The following CDK6 variants were observed in gnomAD, a reference collection of about 807,000 sequenced individuals.
CDK6 encodes cyclin-dependent kinase 6.
In CDK6, 6 loss-of-function variants were observed where a neutral mutation model predicts 37.1. The observed-to-expected ratio is 0.16, with a 90% confidence interval of 0.09 to 0.32. The LOEUF is 0.32. Ranked by LOEUF, CDK6 falls within the 10% of genes least tolerant of loss-of-function variation. The pLI, the probability that CDK6 is intolerant of heterozygous loss-of-function variation, is 1.00. For missense variants in CDK6, 224 were observed against 418.9 expected (o/e 0.53, Z 4.06); for synonymous variants, 160 against 161.3 (o/e 0.99, Z 0.06).
chr7:92,705,611 G>C (rs902360519), intron 4 of CDK6, among the ~76,000 whole-genome samples: 1 of 152,170 alleles, frequency 6.6e-6, no homozygotes, highest in Non-Finnish European at 1.5e-5. Flanking sequence ...ATCCCAGTCA[G>C]GTCATGTTGC....
intron 2 of CDK6, among the ~76,000 whole-genome samples, chr7:92,788,680 T>C (rs1463594733): frequency 6.6e-6 from 1 of 152,136 alleles, no homozygotes; most frequent in Non-Finnish European, 1.5e-5. Flanking sequence ...GTAATTAAAC[T>C]ATGAAAACCA....
At position 92,833,886 on chromosome 7, in the gene CDK6, C is replaced by G. The variant is rs1239399044; in HGVS notation, c.-367-196G>C. 7.5e-6 allele frequency: 3 copies of G among 398,880 alleles called. No individual in the cohort carries two copies. The East Asian group carries it at 1.1e-4, about 14-fold the overall frequency. 24.7% of individuals were successfully genotyped at this position (398,880 alleles called of 1,614,324 possible). ...AAGCGAAGTTACTTTTCTTTCCCTG[C>G]AGGGCTGAAGCCGTCTTCGCGCGGA... On this transcript the variant is annotated intron_variant, in intron 1 of 7. Coordinates refer to ENST00000424848, the MANE Select transcript of CDK6 (RefSeq NM_001145306.2). This position sits in a 1 kb window ranked among gnomAD's most constrained non-coding sequence, Gnocchi z 6.1.
intron 2 of CDK6, among the ~76,000 whole-genome samples, chr7:92,831,570 G>C (rs1190533974): frequency 6.6e-6 from 1 of 152,012 alleles, no homozygotes; most frequent in East Asian, 1.9e-4. Context: ...CCCCAAAAAC[G>C]GATTTTGTTG....
chr7:92,668,820 C>T (rs1797014058), intron 5 of CDK6, among the ~76,000 whole-genome samples: 1 of 152,130 alleles, frequency 6.6e-6, no homozygotes, highest in Non-Finnish European at 1.5e-5. Flanking sequence ...ATACCAAGGA[C>T]ACAGGGTAGC....
At chr7:92,830,428 G>A (rs538531027) in intron 2 of CDK6, among the ~76,000 whole-genome samples, 8 of 152,282 alleles carry the variant, frequency 5.3e-5, no homozygotes, top group African/African-American at 1.9e-4. Context: ...AATTACTTAT[G>A]ACTTGAAGGT....
At chr7:92,812,678 A>G (rs1329458874) in intron 2 of CDK6, among the ~76,000 whole-genome samples, 4 of 152,082 alleles carry the variant, frequency 2.6e-5, no homozygotes, top group Non-Finnish European at 5.9e-5. Flanking sequence ...CTCCCACCTC[A>G]GCCTCCCAAG....
chr7:92,764,941 T>C (rs1278796812), intron 3 of CDK6, among the ~76,000 whole-genome samples: 3 of 152,210 alleles, frequency 2.0e-5, no homozygotes, highest in South Asian at 4.1e-4. Context: ...TGGCAATTGC[T>C]CTAGTAGAAT....
At chr7:92,679,652 A>G (rs1197618898) in intron 4 of CDK6, among the ~76,000 whole-genome samples, 1 of 152,220 alleles carries the variant, frequency 6.6e-6, no homozygotes, top group African/African-American at 2.4e-5. Flanking sequence ...ATAGAAAACT[A>G]GTATGGTTGT....
chr7:92,813,458 C>T (rs1562972648), intron 2 of CDK6, among the ~76,000 whole-genome samples: 4 of 152,250 alleles, frequency 2.6e-5, no homozygotes, highest in East Asian at 1.9e-4. Context: ...AAAATGAAAA[C>T]GTTCTCAGTC....
intron 5 of CDK6, among the ~76,000 whole-genome samples, chr7:92,657,804 C>T (rs768269874): frequency 6.6e-6 from 1 of 152,218 alleles, no homozygotes; most frequent in Non-Finnish European, 1.5e-5. Context: ...CAGTCTCCAT[C>T]TCCCAGGCTC....
At chr7:92,770,318 GC>G (rs1474765222) in intron 3 of CDK6, among the ~76,000 whole-genome samples, 1 of 127,276 alleles carries the variant, frequency 7.9e-6, no homozygotes, top group Non-Finnish European at 1.6e-5. Flanking sequence ...TTCTATGTAT[GC>G]TTTTTTTTTT....
At chr7:92,804,398 C>T (rs1800668942) in intron 2 of CDK6, among the ~76,000 whole-genome samples, 1 of 152,178 alleles carries the variant, frequency 6.6e-6, no homozygotes, top group Admixed American at 6.5e-5. Flanking sequence ...TAGTTCTGAG[C>T]CACACTCTTA....
At chr7:92,650,059 C>T (rs1036954855) in intron 5 of CDK6, among the ~76,000 whole-genome samples, 1 of 152,194 alleles carries the variant, frequency 6.6e-6, no homozygotes, top group African/African-American at 2.4e-5. Flanking sequence ...TTTCTTCTCA[C>T]CAATTTGTTA....
intron 5 of CDK6, among the ~76,000 whole-genome samples, chr7:92,625,819 A>T (rs1295068013): frequency 1.4e-4 from 21 of 152,200 alleles, no homozygotes; most frequent in Non-Finnish European, 4.4e-5. Flanking sequence ...ACAGGGGATG[A>T]AAGTTTCATT....
chr7:92,811,426 A>G (rs998954013), intron 2 of CDK6, among the ~76,000 whole-genome samples: 8 of 152,102 alleles, frequency 5.3e-5, no homozygotes, highest in Non-Finnish European at 1.2e-4. Flanking sequence ...AACAAAATGA[A>G]AAGATTCTTT....
chr7:92,688,850 T>C (rs570534274), intron 4 of CDK6, among the ~76,000 whole-genome samples: 147 of 152,264 alleles, frequency 9.7e-4, no homozygotes, highest in African/African-American at 3.5e-3. Flanking sequence ...GCAAACCACA[T>C]TCCCTCTAAA....
chr7:92,724,092 G>T (rs1431500158), intron 4 of CDK6, among the ~76,000 whole-genome samples: 1 of 151,932 alleles, frequency 6.6e-6, no homozygotes, highest in Non-Finnish European at 1.5e-5. Flanking sequence ...TGACTCTCTG[G>T]ATCACAAAGC....
intron 5 of CDK6, among the ~76,000 whole-genome samples, chr7:92,636,941 G>A (rs901993239): frequency 6.6e-6 from 1 of 152,142 alleles, no homozygotes; most frequent in African/African-American, 2.4e-5. Flanking sequence ...CTGGGATTTA[G>A]GTGTGTGAAC....
At chr7:92,701,409 C>A (rs1386102273) in intron 4 of CDK6, among the ~76,000 whole-genome samples, 2 of 146,100 alleles carry the variant, frequency 1.4e-5, no homozygotes, top group South Asian at 4.3e-4. Context: ...AGCTTACACA[C>A]TTTTTTTTTT....
Sources: gnomAD v4.1 joint callset for allele counts (sites outside exome capture counted in the v4.1 genomes callset) on GRCh38, gnomAD v4.1.1 for gene constraint, Gnocchi (gnomAD v3.1) non-coding constraint, MANE v1.5 for transcripts, NCBI Gene and HGNC (gene_info 2026-07-23, HGNC 2026-07-21) for gene names.